Variants in AJAP1 observed in about 807,000 individuals in gnomAD.
AJAP1 encodes adherens junction-associated protein 1.
A neutral mutation model predicts 35.0 loss-of-function variants in AJAP1; 5 were observed. That is an observed-to-expected ratio of 0.14 (90% CI 0.07 to 0.30). The LOEUF (loss-of-function observed/expected upper bound fraction) is 0.30. AJAP1 is among the 10% of genes least tolerant of loss of function. AJAP1 has a pLI of 1.00. For missense variants in AJAP1, 586 were observed against 571.0 expected (o/e 1.03, Z -0.27); for synonymous variants, 284 against 249.3 (o/e 1.14, Z -1.31).
intron 2 of AJAP1, among the ~76,000 whole-genome samples, chr1:4,732,816 G>A (rs1337111063): frequency 6.6e-6 from 1 of 152,250 alleles, no homozygotes; most frequent in East Asian, 1.9e-4. Context: ...CCAGAGAGGT[G>A]AGAGAAGGCT....
chr1:4,717,456 G>T (rs1333799246), intron 2 of AJAP1, among the ~76,000 whole-genome samples: 6 of 152,154 alleles, frequency 3.9e-5, no homozygotes, highest in Admixed American at 6.5e-5. Context: ...ATCATTCAGG[G>T]TTTACCTCTG....
rs557716774 is a variant in AJAP1, at chr1:4,754,566, C to T, written c.830-15287C>T. ...ATGGCTTCCTGGCCTCAAGCAGCTG[C>T]CACTTTGAGGATGAGAGGACAACAT... On this transcript the variant is annotated intron_variant, in intron 2 of 5. Coordinates refer to ENST00000378191, the MANE Select transcript of AJAP1 (RefSeq NM_018836.4). 2.0e-5 allele frequency among the ~76,000 whole-genome samples: 3 copies of T among 152,314 alleles called. No homozygotes were observed. The South Asian group carries it at 6.2e-4, about 32-fold the overall frequency.
chr1:4,763,504 TGACTG>T (rs1641616790), intron 2 of AJAP1, among the ~76,000 whole-genome samples: 1 of 152,158 alleles, frequency 6.6e-6, no homozygotes, highest in Non-Finnish European at 1.5e-5. Flanking sequence ...TGCACCAACT[TGACTG>T]AGCTGAGGAA....
At chr1:4,710,979 C>G (rs557428495) in intron 1 of AJAP1, among the ~76,000 whole-genome samples, 1 of 152,344 alleles carries the variant, frequency 6.6e-6, no homozygotes, top group African/African-American at 2.4e-5. Context: ...GAGGCAGCCC[C>G]GCCCTCCTCA....
chr1:4,719,419 C>T (rs1310358367), intron 2 of AJAP1, among the ~76,000 whole-genome samples: 1 of 152,216 alleles, frequency 6.6e-6, no homozygotes, highest in Non-Finnish European at 1.5e-5. Context: ...GGAAATGTCA[C>T]CAAGCCACAG....
intron 1 of AJAP1, among the ~76,000 whole-genome samples, chr1:4,669,495 C>T (rs6667973): frequency 0.26 from 38,894 of 151,940 alleles, 5,796 homozygotes; most frequent in African/African-American, 0.43. Context: ...AAATTCCAGG[C>T]GCTTATAAAA....
intron 1 of AJAP1, among the ~76,000 whole-genome samples, chr1:4,673,661 C>G (rs16839440): frequency 0.16 from 23,906 of 152,150 alleles, 2,346 homozygotes; most frequent in South Asian, 0.32. Flanking sequence ...GGGCTGTGGA[C>G]ACAGACGCGG....
chr1:4,743,157 G>A (rs1239754946), intron 2 of AJAP1, among the ~76,000 whole-genome samples: 1 of 152,174 alleles, frequency 6.6e-6, no homozygotes, highest in Admixed American at 6.5e-5. Flanking sequence ...TACCCTCAAA[G>A]GCTCTTGTTG....
intron 1 of AJAP1, among the ~76,000 whole-genome samples, chr1:4,708,063 G>A (rs1640141699): frequency 6.6e-6 from 1 of 151,204 alleles, no homozygotes; most frequent in African/African-American, 2.4e-5. Flanking sequence ...CGCCTCCTGG[G>A]TTCAAGCGAT....
rs1479482774 is a variant in AJAP1, at chr1:4,786,256, C to A, written c.*3771C>A. 5 of 152,152 alleles carry A rather than the reference C, an allele frequency of 3.3e-5. No individual in the cohort carries two copies. Among genetic ancestry groups the A allele is most frequent in the African/African-American group, 9.7e-5 (4 of 41,426 alleles). 9.4% of individuals were successfully genotyped at this position (152,152 alleles called of 1,614,324 possible). ...CAGAAGGGAGAGGCCACTTAGGGGA[C>A]CTTGTCTTCTCCGTAGTATTTCTAG... On this transcript the variant is annotated 3_prime_UTR_variant, in exon 6 of 6. Coordinates refer to ENST00000378191, the MANE Select transcript of AJAP1 (RefSeq NM_018836.4).
chr1:4,682,358 A>G (rs1457486377), intron 1 of AJAP1, among the ~76,000 whole-genome samples: 1 of 152,034 alleles, frequency 6.6e-6, no homozygotes, highest in Non-Finnish European at 1.5e-5. Context: ...ACCTTCCCCT[A>G]TGCATCTCCC....
chr1:4,717,901 G>A (rs1290286505), intron 2 of AJAP1, among the ~76,000 whole-genome samples: 3 of 152,144 alleles, frequency 2.0e-5, no homozygotes, highest in Non-Finnish European at 1.5e-5. Context: ...TAAGTTGCTG[G>A]GTGTTTGCTA....
intron 1 of AJAP1, among the ~76,000 whole-genome samples, chr1:4,672,153 G>T (rs1306219322): frequency 6.6e-6 from 1 of 152,232 alleles, no homozygotes; most frequent in Non-Finnish European, 1.5e-5. Flanking sequence ...AATTGCTCAA[G>T]AATGGACTGG....
chr1:4,740,096 C>T (rs974409124), intron 2 of AJAP1, among the ~76,000 whole-genome samples: 8 of 151,984 alleles, frequency 5.3e-5, no homozygotes, highest in Admixed American at 2.0e-4. Context: ...TTACAATATT[C>T]GAAGTCACAC....
intron 2 of AJAP1, among the ~76,000 whole-genome samples, chr1:4,728,823 C>T (rs1038482824): frequency 1.3e-5 from 2 of 152,070 alleles, no homozygotes; most frequent in African/African-American, 4.8e-5. Flanking sequence ...GGGCCTGGGG[C>T]TCACTTAGTC....
chr1:4,717,057 C>T (rs1640409278), intron 2 of AJAP1, among the ~76,000 whole-genome samples: 1 of 152,230 alleles, frequency 6.6e-6, no homozygotes, highest in Non-Finnish European at 1.5e-5. Flanking sequence ...GGAGGCTCCC[C>T]ACAGTGCAGC....
At chr1:4,697,298 T>C (rs1639885825) in intron 1 of AJAP1, among the ~76,000 whole-genome samples, 1 of 152,226 alleles carries the variant, frequency 6.6e-6, no homozygotes, top group Non-Finnish European at 1.5e-5. Context: ...TCGTCCTGGG[T>C]GCCCACAGCA....
chr1:4,779,429 C>T (rs1642018324), intron 5 of AJAP1, among the ~76,000 whole-genome samples: 1 of 151,734 alleles, frequency 6.6e-6, no homozygotes, highest in African/African-American at 2.4e-5. Flanking sequence ...TCCGCCTCCA[C>T]CTTCACACGG....
chr1:4,664,572 C>T (rs2035455), intron 1 of AJAP1, among the ~76,000 whole-genome samples: 29,904 of 152,100 alleles, frequency 0.2, 3,742 homozygotes, highest in Non-Finnish European at 0.28. Flanking sequence ...TGGGGGGCCC[C>T]GGTCATGCCC....
Sources: gnomAD v4.1 joint callset for allele counts (sites outside exome capture counted in the v4.1 genomes callset) on GRCh38, gnomAD v4.1.1 for gene constraint, MANE v1.5 for transcripts, NCBI Gene and HGNC (gene_info 2026-07-23, HGNC 2026-07-21) for gene names.